CSMD1: variants seen among roughly 807,000 people sequenced by gnomAD.
The protein encoded by CSMD1 is CUB and sushi domain-containing protein 1.
In CSMD1, 213 loss-of-function variants were observed where a neutral mutation model predicts 417.5. The observed-to-expected ratio is 0.51, with a 90% confidence interval of 0.46 to 0.57. CSMD1 has a LOEUF of 0.57. Ranked by LOEUF, CSMD1 falls within the 20% of genes least tolerant of loss-of-function variation. The pLI is 0.00. For synonymous variants in CSMD1, 2,862 were observed against 1,736.8 expected (o/e 1.65, Z -16.11); for missense variants, 6,923 against 4,529.7 (o/e 1.53, Z -15.17).
chr8:3,987,254 A>C (rs1814404367), intron 5 of CSMD1, among the ~76,000 whole-genome samples: 1 of 152,202 alleles, frequency 6.6e-6, no homozygotes, highest in Admixed American at 6.5e-5. Flanking sequence ...CCATGCTCAA[A>C]GGCTACACAC....
intron 7 of CSMD1, among the ~76,000 whole-genome samples, chr8:3,701,379 C>G (rs1585098743): frequency 6.6e-6 from 1 of 152,142 alleles, no homozygotes; most frequent in South Asian, 2.1e-4. Flanking sequence ...TCAGCTTCTA[C>G]AGATCCCAGA....
At chr8:3,804,208 A>T (rs2129073919) in intron 5 of CSMD1, among the ~76,000 whole-genome samples, 1 of 152,274 alleles carries the variant, frequency 6.6e-6, no homozygotes, top group African/African-American at 2.4e-5. Flanking sequence ...TTGGGATTAC[A>T]AGTGTGAGCC....
chr8:3,357,120 A>C (rs189628455), intron 21 of CSMD1, among the ~76,000 whole-genome samples: 1 of 152,242 alleles, frequency 6.6e-6, no homozygotes, highest in East Asian at 1.9e-4. Flanking sequence ...CTAGGACATA[A>C]GCAGGTGTGG....
intron 3 of CSMD1, among the ~76,000 whole-genome samples, chr8:4,221,496 G>A (rs1226669623): frequency 6.6e-6 from 1 of 152,114 alleles, no homozygotes; most frequent in East Asian, 1.9e-4. Flanking sequence ...GGGTAATTTG[G>A]GAATTCGTGA....
Position 3,780,705 on chromosome 8 carries a change from G to A in CSMD1, c.819-26663C>T, listed in dbSNP as rs189990851. Among the ~76,000 whole-genome samples the A allele has an allele frequency of 3.0e-3, 453 of 152,282 alleles. 1 individual carries two copies. The highest frequency in any genetic ancestry group is 0.01 in the African/African-American group (430 of 41,552). On this transcript the variant is annotated intron_variant, in intron 5 of 69. Transcript: ENST00000635120. The stretch of plus-strand genomic sequence containing the variant: ...GTTGTCGGCAGAAAGAGCCCAGCCT[G>A]GTGAGAAATGCACAGATGCTTTCCA...
At chr8:4,336,371 C>G (rs1009071162) in intron 3 of CSMD1, among the ~76,000 whole-genome samples, 1 of 152,136 alleles carries the variant, frequency 6.6e-6, no homozygotes. Context: ...TAACAGGCAA[C>G]TGTGCCTGAC....
chr8:3,637,507 T>C (rs1250170934), intron 7 of CSMD1, among the ~76,000 whole-genome samples: 1 of 152,204 alleles, frequency 6.6e-6, no homozygotes, highest in African/African-American at 2.4e-5. Context: ...TATAATAAAA[T>C]ATACAAAACT....
rs1799019345 is a variant in CSMD1, at chr8:4,062,345, G to C, written c.416-30246C>G. On this transcript the variant is annotated intron_variant, in intron 3 of 69. Coordinates refer to ENST00000635120, the MANE Select transcript of CSMD1 (RefSeq NM_033225.6). The stretch of plus-strand genomic sequence containing the variant: ...ATATGGTCCAGGGTGGAGAGTGGCA[G>C]AAGAATTTTCATTTGACAATGGCTT... Among the ~76,000 whole-genome samples the C allele has an allele frequency of 1.3e-5, 2 of 152,152 alleles. 1 individual carries two copies. Among genetic ancestry groups the C allele is most frequent in the South Asian group, 4.1e-4 (2 of 4,824 alleles).
chr8:3,968,592 G>T (rs1423135101), intron 5 of CSMD1, among the ~76,000 whole-genome samples: 1 of 152,092 alleles, frequency 6.6e-6, no homozygotes, highest in Non-Finnish European at 1.5e-5. Context: ...TATTTCAGAT[G>T]GAATATTCGC....
At chr8:3,695,140 G>C (rs549355473) in intron 7 of CSMD1, among the ~76,000 whole-genome samples, 1 of 138,670 alleles carries the variant, frequency 7.2e-6, no homozygotes, top group African/African-American at 2.6e-5. Flanking sequence ...TGTAGTACAA[G>C]GATATTGCAG....
chr8:4,466,213 G>T (rs909414912), intron 2 of CSMD1, among the ~76,000 whole-genome samples: 4 of 152,114 alleles, frequency 2.6e-5, no homozygotes, highest in East Asian at 1.9e-4. Context: ...TTATAATAGT[G>T]AGACAGGGAT....
intron 2 of CSMD1, among the ~76,000 whole-genome samples, chr8:4,545,202 G>C (rs1316008704): frequency 6.6e-6 from 1 of 152,184 alleles, no homozygotes; most frequent in Non-Finnish European, 1.5e-5. Flanking sequence ...CTGAACAATG[G>C]AATTTGCATT....
intron 5 of CSMD1, among the ~76,000 whole-genome samples, chr8:3,806,484 TC>T (rs1800749109): frequency 6.6e-6 from 1 of 152,116 alleles, no homozygotes; most frequent in Non-Finnish European, 1.5e-5. Context: ...TAACTGAGTC[TC>T]CAAAAGAACC....
intron 2 of CSMD1, among the ~76,000 whole-genome samples, chr8:4,488,704 G>T (rs1349077420): frequency 1.3e-5 from 2 of 151,934 alleles, no homozygotes; most frequent in Non-Finnish European, 2.9e-5. Context: ...GAAAAGTGTG[G>T]ATATGTGGCA....
intron 5 of CSMD1, among the ~76,000 whole-genome samples, chr8:3,824,766 T>G (rs1454122038): frequency 6.6e-6 from 1 of 152,096 alleles, no homozygotes; most frequent in Non-Finnish European, 1.5e-5. Context: ...CATTGGTGGC[T>G]CACAATATAT....
chr8:3,912,008 C>A (rs1408760274), intron 5 of CSMD1, among the ~76,000 whole-genome samples: 1 of 152,174 alleles, frequency 6.6e-6, no homozygotes, highest in Non-Finnish European at 1.5e-5. Context: ...CAAAGGATCA[C>A]CAATTGTCAT....
intron 1 of CSMD1, among the ~76,000 whole-genome samples, chr8:4,830,962 G>C (rs181947498): frequency 2.0e-5 from 3 of 152,156 alleles, no homozygotes; most frequent in Non-Finnish European, 4.4e-5. Flanking sequence ...TGAAGAAAAA[G>C]GTAGCTAATC....
intron 3 of CSMD1, among the ~76,000 whole-genome samples, chr8:4,251,830 G>T (rs559221568): frequency 8.3e-5 from 12 of 144,706 alleles, no homozygotes; most frequent in African/African-American, 2.7e-4. Context: ...AGGAGAGATG[G>T]AAGAGGAGAG....
intron 3 of CSMD1, among the ~76,000 whole-genome samples, chr8:4,382,810 A>C (rs1296716020): frequency 1.3e-5 from 2 of 152,230 alleles, no homozygotes; most frequent in African/African-American, 4.8e-5. Flanking sequence ...CAGATGCATT[A>C]AACCAATATC....
Sources: gnomAD v4.1 joint callset for allele counts (sites outside exome capture counted in the v4.1 genomes callset) on GRCh38, gnomAD v4.1.1 for gene constraint, MANE v1.5 for transcripts, NCBI Gene and HGNC (gene_info 2026-07-23, HGNC 2026-07-21) for gene names.